The following QARS1 variants were observed in gnomAD, a reference collection of about 807,000 sequenced individuals.
QARS1 encodes glutaminyl-tRNA synthetase 1.
In QARS1, 79 loss-of-function variants were observed where a neutral mutation model predicts 106.9. The observed-to-expected ratio is 0.74, with a 90% CI of 0.62 to 0.89. The LOEUF (loss-of-function observed/expected upper bound fraction) is 0.89, where lower values mean the gene tolerates loss of function less well. Ranked by LOEUF, QARS1 falls within the 40% of genes least tolerant of loss-of-function variation. The probability of loss-of-function intolerance (pLI) is 0.00; values close to 1 mark genes in which losing one functional copy is unlikely to be tolerated. For synonymous variants in QARS1, 395 were observed against 367.7 expected (o/e 1.07, Z -0.85); for missense variants, 966 against 997.2 (o/e 0.97, Z 0.42).
rs556472269 is a variant in QARS1, at chr3:49,099,080, CAT to C, written c.1758+28_1758+29del. ...AAGTGTACCCCCAGCTACACACACA[CAT>C]GTGACACACATGTTGAGGCAGGCCC... is the stretch of plus-strand genomic sequence containing the variant. On this transcript the variant is annotated intron_variant, in intron 18 of 23. Coordinates refer to ENST00000306125, the MANE Select transcript of QARS1 (RefSeq NM_005051.3). 644 of 1,614,098 alleles carry C rather than the reference CAT, an allele frequency of 4.0e-4. 2 individuals carry two copies. Among genetic ancestry groups the C allele is most frequent in the Admixed American group, 2.2e-3 (130 of 60,032 alleles).
chr3:49,103,579 G>A (rs749605427), intron 4 of QARS1, 52 bp downstream of exon 4: 226 of 1,591,922 alleles, frequency 1.4e-4, no homozygotes, highest in Non-Finnish European at 1.7e-4. Flanking sequence ...GTGCCCAGAA[G>A]AAAAGGCATG....
intron 9 of QARS1, 58 bp downstream of exon 9, chr3:49,101,559 AGCC>A: frequency 1.3e-6 from 2 of 1,594,292 alleles, no homozygotes; most frequent in South Asian, 2.2e-5. Context: ...GTATGGACGC[AGCC>A]CAGGCACTCA....
At chr3:49,097,896 A>G in intron 23 of QARS1, 96 bp downstream of exon 23, 1 of 1,494,370 alleles carries the variant, frequency 6.7e-7, no homozygotes, top group Non-Finnish European at 9.2e-7. Flanking sequence ...TCAGGTGGTG[A>G]GGATTAACTA....
chr3:49,096,581 T>C lies in QARS1; in HGVS notation c.2278-502A>G, dbSNP rs2042393442. The stretch of plus-strand genomic sequence containing the variant: ...CTGGGAGGCCGAGGCAGGCGGATCA[T>C]GAGATCAGGAGATCGAGACCATCCT... On this transcript the variant is annotated intron_variant, in intron 23 of 23. Transcript: ENST00000306125. Among the ~76,000 whole-genome samples, 3 of 151,356 alleles carry C rather than the reference T, an allele frequency of 2.0e-5. 1 individual carries two copies. Among genetic ancestry groups the C allele is most frequent in the Admixed American group, 2.0e-4 (3 of 15,206 alleles).
intron 23 of QARS1, among the ~76,000 whole-genome samples, chr3:49,096,933 C>T (rs2042400755): frequency 6.8e-6 from 1 of 146,644 alleles, no homozygotes; most frequent in Admixed American, 6.9e-5. Flanking sequence ...TGCAGTGGGC[C>T]GAGATCGTGC....
At chr3:49,098,855 C>G (rs199846225) in intron 19 of QARS1, 30 bp downstream of exon 19, 87 of 1,579,654 alleles carry the variant, frequency 5.5e-5, no homozygotes, top group Admixed American at 1.3e-4. Flanking sequence ...GACTCAGCAG[C>G]AAACGGGACC....
rs988027951 is a variant in QARS1 at position 49,098,307 on chromosome 3, C to T, written c.2084+46G>A. 6.2e-6 allele frequency: 10 copies of T among 1,614,106 alleles called. No individual in the cohort carries two copies. The Admixed American group carries it at 1.5e-4, about 24-fold the overall frequency. On this transcript the variant is annotated intron_variant, in intron 21 of 23. Coordinates refer to ENST00000306125, the MANE Select transcript of QARS1 (RefSeq NM_005051.3). ...CCCCCAGCTGGGCAGCCATAGCAGG[C>T]AATGTGCATCTTGTACCTGCCCCCA...
At position 49,099,970 on chromosome 3, in the gene QARS1, C is replaced by A. The variant is rs2042446400; in HGVS notation, c.1286G>T (p.Gly429Val). 6.2e-7 allele frequency: 1 copy of A among 1,614,088 alleles called. No homozygotes were observed. Among genetic ancestry groups the A allele is most frequent in the Non-Finnish European group, 8.5e-7 (1 of 1,180,044 alleles). The stretch of plus-strand genomic sequence containing the variant: ...CCCATTCTACACCCACCATTTGTCC[C>A]CTGTGCGGTGGTGTGGTGTATACTT... ...RVKYTPHHRT[G>V]DKWCIYPTYD... The change falls in exon 14 of 24, where the codon GGG becomes GTG. Residue 429 changes from glycine to valine, a missense_variant. Transcript: ENST00000306125.
Position 49,095,935 on chromosome 3 carries a change from A to G in QARS1, c.*94T>C. The G allele has an allele frequency of 8.6e-7, 1 of 1,168,436 alleles. No homozygotes were observed. The highest frequency in any genetic ancestry group is 1.3e-6 in the Non-Finnish European group (1 of 798,044). 72.4% of individuals were successfully genotyped at this position (1,168,436 alleles called of 1,614,324 possible). A position where few individuals can be genotyped will look rare whatever the true frequency, so the allele number is the denominator to read the frequency against. ...AGTGCAGAGATAACACACAGACTCT[A>G]GGAGAATTTAGCTGTTCTTTATTGA... On this transcript the variant is annotated 3_prime_UTR_variant, in exon 24 of 24. Coordinates refer to ENST00000306125, the MANE Select transcript of QARS1 (RefSeq NM_005051.3).
At position 49,098,502 on chromosome 3, in the gene QARS1, C is replaced by G. The variant is rs574420266; in HGVS notation, c.1957-22G>C. Reference sequence around the variant, plus strand: ...GGCCCTGGAAGTGGGGGGAGGGGAGCAGCAATTAGACCCGGGAACCACAAC... The same window carrying G: ...GGCCCTGGAAGTGGGGGGAGGGGAGGAGCAATTAGACCCGGGAACCACAAC... On this transcript the variant is annotated intron_variant, in intron 20 of 23. Coordinates refer to ENST00000306125, the MANE Select transcript of QARS1 (RefSeq NM_005051.3). 9 of 1,613,782 alleles carry G rather than the reference C, an allele frequency of 5.6e-6. No homozygotes were observed. In the South Asian group the frequency reaches 7.7e-5, roughly 14 times the overall value.
chr3:49,103,553 C>T, intron 4 of QARS1, 78 bp downstream of exon 4: 1 of 1,566,262 alleles, frequency 6.4e-7, no homozygotes, highest in East Asian at 2.3e-5. Context: ...TTCCTTCCCC[C>T]ACCTCCTTCT....
chr3:49,101,706 C>T lies in QARS1; in HGVS notation c.704-1G>A, dbSNP rs767947892. ...TAGCCTGGGGTCTTGTAGTTCTCAC[C>T]TGCCAGGACCAGAATAAGCCTAAGG... is the stretch of plus-strand genomic sequence containing the variant. On this transcript the variant is annotated splice_acceptor_variant, in intron 8 of 23. Transcript: ENST00000306125. LOFTEE classifies it high-confidence loss of function. The T allele has an allele frequency of 6.2e-7, 1 of 1,614,082 alleles. No homozygotes were observed. Among genetic ancestry groups the T allele is most frequent in the South Asian group, 1.1e-5 (1 of 91,068 alleles).
At chr3:49,099,916 C>G (rs771126571) in intron 14 of QARS1, 45 bp downstream of exon 14, 1 of 1,614,034 alleles carries the variant, frequency 6.2e-7, no homozygotes, top group African/African-American at 1.3e-5. Flanking sequence ...CATGGCCCAT[C>G]GCCCTGCTCG....
At position 49,101,455 on chromosome 3, in the gene QARS1, G is replaced by C. The variant is rs201610281; in HGVS notation, c.790-14C>G. On this transcript the variant is annotated splice_polypyrimidine_tract_variant and intron_variant, in intron 9 of 23. Transcript: ENST00000306125. ...CCGGGTACGTACCTAAAATAAGGGG[G>C]ATGGGAAAAGAGAAATAAAGTCTGA... 1 of 1,602,760 alleles carries C rather than the reference G, an allele frequency of 6.2e-7. No homozygotes were observed. Among genetic ancestry groups the C allele is most frequent in the African/African-American group, 1.3e-5 (1 of 74,632 alleles).
rs1575400371 is a variant in QARS1 at position 49,099,644 on chromosome 3, G to C, written c.1392C>G (p.Arg464=). Residue 464 remains arginine, a synonymous_variant, in exon 16 of 24, where the codon CGC becomes CGG. Coordinates refer to ENST00000306125, the MANE Select transcript of QARS1 (RefSeq NM_005051.3). ...SLCTKEFQAR[R]SSYFWLCNAL... ...CATTGCAAAGCCAGAAGTAGGAAGAGCGTCTGGGGTGGGAGAGTAGGGTTA... is the reference window on the plus strand; with the variant it reads ...CATTGCAAAGCCAGAAGTAGGAAGACCGTCTGGGGTGGGAGAGTAGGGTTA... 6.2e-7 allele frequency: 1 copy of C among 1,614,112 alleles called. No homozygotes were observed.
At chr3:49,096,798 C>CAAAAAAAAAAAAAAAAAAAAAAA (rs770587253) in intron 23 of QARS1, among the ~76,000 whole-genome samples, 2 of 14,156 alleles carry the variant, frequency 1.4e-4, no homozygotes, top group Non-Finnish European at 2.2e-4. Context: ...GACTCCGTCT[C>CAAAAAAAAAAAAAAAAAAAAAAA]AAAAAAAAAA....
At chr3:49,097,717 A>C (rs2042409702) in intron 23 of QARS1, among the ~76,000 whole-genome samples, 1 of 151,880 alleles carries the variant, frequency 6.6e-6, no homozygotes, top group African/African-American at 2.4e-5. Flanking sequence ...AATCACTTGA[A>C]CCTGGGAGGC....
At chr3:49,104,513 A>T (rs2107114603) in intron 1 of QARS1, 42 bp from the exon 2 acceptor site, 1 of 1,610,680 alleles carries the variant, frequency 6.2e-7, no homozygotes, top group Admixed American at 1.7e-5. Flanking sequence ...GCGCTCAGTG[A>T]GAGGAAAGGG....
At chr3:49,098,831 G>A in intron 19 of QARS1, 54 bp downstream of exon 19, 6 of 1,531,308 alleles carry the variant, frequency 3.9e-6, no homozygotes, top group Non-Finnish European at 5.4e-6. Context: ...GGAGATGAAA[G>A]GTTCCCAGTA....
Sources: allele counts gnomAD v4.1 joint callset (sites outside exome capture counted in the v4.1 genomes callset), GRCh38; gene constraint gnomAD v4.1.1; transcripts MANE v1.5; gene names NCBI Gene and HGNC (gene_info 2026-07-23, HGNC 2026-07-21).